The following RBPJ variants were observed in gnomAD, a reference collection of about 807,000 sequenced individuals.
RBPJ encodes the protein recombining binding protein suppressor of hairless.
Under a neutral mutation model 67.8 loss-of-function variants are expected in RBPJ, and 9 were observed. The observed-to-expected ratio is 0.13, with a 90% CI of 0.08 to 0.23. RBPJ has a LOEUF of 0.23. RBPJ is among the 10% of genes least tolerant of loss of function. The pLI is 1.00. For missense variants in RBPJ, 305 were observed against 595.6 expected (o/e 0.51, Z 5.08); for synonymous variants, 198 against 203.3 (o/e 0.97, Z 0.22).
At chr4:26,236,426 G>A (rs1481961302) in intron 1 of RBPJ, among the ~76,000 whole-genome samples, 6 of 152,064 alleles carry the variant, frequency 3.9e-5, no homozygotes, top group Admixed American at 3.9e-4. Context: ...TTCATTCAGG[G>A]TCTCTCATGA....
intron 5 of RBPJ, among the ~76,000 whole-genome samples, chr4:26,421,767 A>C (rs1225249271): frequency 2.6e-5 from 4 of 152,212 alleles, no homozygotes; most frequent in Admixed American, 1.3e-4. Context: ...AAATTTCTGC[A>C]ATAGTGACTA....
chr4:26,137,636 T>C, the RBPJ span, among the ~76,000 whole-genome samples: 1 of 152,306 alleles, frequency 6.6e-6, no homozygotes, highest in African/African-American at 2.4e-5. Flanking sequence ...CTGGCTGCTG[T>C]AGTTGACACA....
chr4:26,271,653 C>T (rs1255047785), intron 1 of RBPJ, among the ~76,000 whole-genome samples: 1 of 152,096 alleles, frequency 6.6e-6, no homozygotes, highest in African/African-American at 2.4e-5. Context: ...CCTGCATATG[C>T]TATGTCCCAG....
At chr4:26,233,919 T>TA (rs1719370449) in intron 1 of RBPJ, among the ~76,000 whole-genome samples, 1 of 152,196 alleles carries the variant, frequency 6.6e-6, no homozygotes, top group Non-Finnish European at 1.5e-5. Flanking sequence ...AGGATGTCTC[T>TA]AGCTTAGGCA....
chr4:26,241,799 G>T (rs185122464), intron 1 of RBPJ, among the ~76,000 whole-genome samples: 1 of 151,948 alleles, frequency 6.6e-6, no homozygotes, highest in African/African-American at 2.4e-5. Flanking sequence ...GGTGTGAGCC[G>T]CTAAGCCTGG....
At chr4:26,366,570 G>A (rs905604632) in intron 1 of RBPJ, among the ~76,000 whole-genome samples, 1 of 151,862 alleles carries the variant, frequency 6.6e-6, no homozygotes, top group Non-Finnish European at 1.5e-5. Flanking sequence ...GACTACAGGC[G>A]CGTGCCATCA....
chr4:26,295,159 C>T (rs887189481), intron 1 of RBPJ, among the ~76,000 whole-genome samples: 1 of 152,100 alleles, frequency 6.6e-6, no homozygotes, highest in Non-Finnish European at 1.5e-5. Flanking sequence ...CTCCCCTCCA[C>T]TAGGCTTACA....
rs1560345344 is a variant in RBPJ at position 26,424,530 on chromosome 4, C to A, written c.634+51C>A. ...GTTTTTAGTGTGAAATTGTTAAAAT[C>A]TTTTGATGAGATACATGGATATATT... is the stretch of plus-strand genomic sequence containing the variant. On this transcript the variant is annotated intron_variant, in intron 6 of 10. Coordinates refer to ENST00000355476, the MANE Select transcript of RBPJ (RefSeq NM_015874.6). This position sits in a 1 kb window ranked among gnomAD's most constrained non-coding sequence, Gnocchi z 5.3. 4.4e-6 allele frequency: 7 copies of A among 1,589,598 alleles called. No homozygotes were observed. The highest frequency in any genetic ancestry group is 1.3e-5 in the African/African-American group (1 of 74,296).
chr4:26,349,093 C>CGCGCGCGCGCGTGCGCGCGCGCGT (rs113326244), intron 1 of RBPJ, among the ~76,000 whole-genome samples: 4 of 150,738 alleles, frequency 2.7e-5, no homozygotes, highest in Admixed American at 6.6e-5. Context: ...TGTGTGCGCG[C>CGCGCGCGCGCGTGCGCGCGCGCGT]GCGCACGCAC....
rs111684174 is a variant in RBPJ at position 26,256,895 on chromosome 4, T to A, written c.-167+93281T>A. ...TCACATTAGTGCTGGAGCTTAGAACTAAACCTCTGGTCTCCTGGTTGATGG... is the reference window on the plus strand; with the variant it reads ...TCACATTAGTGCTGGAGCTTAGAACAAAACCTCTGGTCTCCTGGTTGATGG... On this transcript the variant is annotated intron_variant, in intron 1 of 4. Transcript: ENST00000512351. 4.4e-3 allele frequency among the ~76,000 whole-genome samples: 667 copies of A among 152,344 alleles called. 12 individuals carry two copies. The highest frequency in any genetic ancestry group is 0.015 in the African/African-American group (628 of 41,596).
chr4:26,282,979 G>A (rs1721328415), intron 1 of RBPJ, among the ~76,000 whole-genome samples: 1 of 125,628 alleles, frequency 8.0e-6, no homozygotes, highest in Non-Finnish European at 1.6e-5. Flanking sequence ...CACCCAGGCT[G>A]GAGTGCAGTG....
At chr4:26,307,741 G>A (rs1162324765) in intron 1 of RBPJ, among the ~76,000 whole-genome samples, 14 of 152,106 alleles carry the variant, frequency 9.2e-5, no homozygotes, top group Non-Finnish European at 2.1e-4. Context: ...AACAAACCAT[G>A]CATCAATGTC....
At position 26,255,335 on chromosome 4, in the gene RBPJ, C is replaced by T. The variant is rs1287037016; in HGVS notation, c.-167+91721C>T. ...AGGAGAATGGCGTGAACCCAGGAGG[C>T]GGAGCTTGCAGTGAGCCGAGATCGC... is the stretch of plus-strand genomic sequence containing the variant. On this transcript the variant is annotated intron_variant, in intron 1 of 4. Transcript: ENST00000512351. Among the ~76,000 whole-genome samples, 287 of 103,308 alleles carry T rather than the reference C, an allele frequency of 2.8e-3. 3 individuals are homozygous for T. The highest frequency in any genetic ancestry group is 0.015 in the Middle Eastern group (2 of 136). 67.8% of individuals were successfully genotyped at this position (103,308 alleles called of 152,430 possible). A position where few individuals can be genotyped will look rare whatever the true frequency, so the allele number is the denominator to read the frequency against.
chr4:26,277,426 C>A (rs993530978), intron 1 of RBPJ, among the ~76,000 whole-genome samples: 1 of 152,242 alleles, frequency 6.6e-6, no homozygotes, highest in Non-Finnish European at 1.5e-5. Context: ...TCCTCACCCC[C>A]ACCAGATACA....
At chr4:26,131,224 C>A in the RBPJ span, among the ~76,000 whole-genome samples, 5 of 152,214 alleles carry the variant, frequency 3.3e-5, no homozygotes, top group African/African-American at 1.2e-4. Flanking sequence ...GCGGCGGAAG[C>A]TGTGGCACTA....
intron 1 of RBPJ, among the ~76,000 whole-genome samples, chr4:26,176,206 A>G: frequency 6.6e-6 from 1 of 152,234 alleles, no homozygotes; most frequent in East Asian, 1.9e-4. Flanking sequence ...TTCTTTGCTC[A>G]ATCCAGCAAC....
intron 1 of RBPJ, among the ~76,000 whole-genome samples, chr4:26,168,645 C>T (rs1221497436): frequency 6.6e-6 from 1 of 152,218 alleles, no homozygotes; most frequent in Non-Finnish European, 1.5e-5. Context: ...GGAAGTTCTC[C>T]TGGATAATAT....
chr4:26,278,695 A>C (rs945860844), intron 1 of RBPJ, among the ~76,000 whole-genome samples: 2 of 152,238 alleles, frequency 1.3e-5, no homozygotes, highest in African/African-American at 2.4e-5. Flanking sequence ...GACTCTACTG[A>C]AATAACACTC....
chr4:26,281,139 A>AT (rs1256090104), intron 1 of RBPJ, among the ~76,000 whole-genome samples: 1 of 152,140 alleles, frequency 6.6e-6, no homozygotes, highest in African/African-American at 2.4e-5. Context: ...CATTTTACTC[A>AT]TTTTTTATTT....
Sources: allele counts gnomAD v4.1 joint callset (sites outside exome capture counted in the v4.1 genomes callset), GRCh38; gene constraint gnomAD v4.1.1; non-coding constraint Gnocchi (gnomAD v3.1); transcripts MANE v1.5; gene names NCBI Gene and HGNC (gene_info 2026-07-23, HGNC 2026-07-21).